Variants in EFCAB13 observed in about 807,000 individuals in gnomAD.
EFCAB13 encodes the protein EF-hand calcium binding domain 13, also known as EF-hand calcium-binding domain-containing protein 13.
EFCAB13 carries 91 observed loss-of-function variants against 110.2 expected under a neutral mutation model. The ratio of observed to expected loss-of-function variants is 0.83; its 90% CI spans 0.70 to 0.98. EFCAB13 has a LOEUF of 0.98. Among genes scored for constraint, EFCAB13 ranks in the 50% least tolerant of loss-of-function variants. EFCAB13 has a pLI of 0.00. For synonymous variants in EFCAB13, 323 were observed against 369.9 expected, an observed-to-expected ratio of 0.87 and a Z score of 1.45; for missense variants, 968 against 1,119.4, an observed-to-expected ratio of 0.86 and a Z score of 1.93.
At chr17:47,411,507 T>C (rs752062184) in intron 21 of EFCAB13, among the ~76,000 whole-genome samples, 1 of 152,218 alleles carries the variant, frequency 6.6e-6, no homozygotes, top group Non-Finnish European at 1.5e-5. Context: ...TCACTTACTA[T>C]ATGATATATT....
chr17:47,411,422 T>A (rs2065834148), intron 21 of EFCAB13, among the ~76,000 whole-genome samples: 1 of 152,164 alleles, frequency 6.6e-6, no homozygotes, highest in East Asian at 1.9e-4. Context: ...CTTCCCAGAG[T>A]TCATCACTTT....
chr17:47,344,482 CA>C (rs765812757), intron 7 of EFCAB13, among the ~76,000 whole-genome samples, 190 bp downstream of exon 7: 56 of 152,234 alleles, frequency 3.7e-4, no homozygotes, highest in Non-Finnish European at 6.6e-4. Flanking sequence ...ATTGACCTAA[CA>C]TGCTTAGACT....
intron 14 of EFCAB13, among the ~76,000 whole-genome samples, chr17:47,383,007 C>T (rs1204524816): frequency 6.6e-6 from 1 of 152,052 alleles, no homozygotes; most frequent in Non-Finnish European, 1.5e-5. Context: ...CTGGTTTAGC[C>T]TTGGGAGGGT....
At position 47,385,224 on chromosome 17, in the gene EFCAB13, T is replaced by G. The variant is rs571092423; in HGVS notation, c.1582+5971T>G. Among the ~76,000 whole-genome samples the G allele has an allele frequency of 1.7e-4, 26 of 152,286 alleles. No homozygotes were observed. The South Asian group carries it at 4.6e-3, about 27-fold the overall frequency. On this transcript the variant is annotated intron_variant, in intron 14 of 24. Transcript: ENST00000331493. ...ATTGGGGAAGTTCTCCCAGATAATA[T>G]CCTGAAGTGTGTTTTCCAATTTGGT...
chr17:47,332,630 C>T (rs2065326130), intron 4 of EFCAB13, among the ~76,000 whole-genome samples: 1 of 151,806 alleles, frequency 6.6e-6, no homozygotes, highest in African/African-American at 2.4e-5. Context: ...ATGAGAACAA[C>T]ATTTTTAGAT....
At chr17:47,364,556 C>G (rs2065535255) in intron 10 of EFCAB13, among the ~76,000 whole-genome samples, 1 of 152,166 alleles carries the variant, frequency 6.6e-6, no homozygotes, top group African/African-American at 2.4e-5. Context: ...TCTGATCCAC[C>G]TGCCTTGGCC....
At position 47,325,921 on chromosome 17, in the gene EFCAB13, AAAATATATATATAT is replaced by A. The variant is rs1304724099; in HGVS notation, c.-247-303_-247-290del. ...GGGCAGATTTTATATATATATAAAC[AAAATATATATATAT>A]ATATATATATATATATATATATATA... is the stretch of plus-strand genomic sequence containing the variant. On this transcript the variant is annotated intron_variant, in intron 2 of 24. Transcript: ENST00000331493. 3.5e-3 allele frequency among the ~76,000 whole-genome samples: 216 copies of A among 62,500 alleles called. 2 individuals carry two copies. The highest frequency in any genetic ancestry group is 0.016 in the African/African-American group (203 of 12,948). The allele number at this position is 62,500 out of a possible 152,430, so 41.0% of individuals were successfully genotyped here.
chr17:47,398,798 C>A (rs1272579289), intron 17 of EFCAB13, among the ~76,000 whole-genome samples: 1 of 151,608 alleles, frequency 6.6e-6, no homozygotes, highest in Non-Finnish European at 1.5e-5. Flanking sequence ...CACTATTGTC[C>A]TATGACCGTG....
chr17:47,367,062 A>T (rs1323882270), intron 10 of EFCAB13, among the ~76,000 whole-genome samples: 1 of 152,236 alleles, frequency 6.6e-6, no homozygotes, highest in Non-Finnish European at 1.5e-5. Context: ...AACATGGGAC[A>T]TGGAATCAAT....
intron 24 of EFCAB13, chr17:47,430,773 T>TA (rs1905100090): frequency 6.6e-6 from 1 of 152,126 alleles, no homozygotes; most frequent in African/African-American, 2.4e-5. Context: ...TTCTTTTTTT[T>TA]ACTCTCGATT....
intron 11 of EFCAB13, among the ~76,000 whole-genome samples, chr17:47,371,775 G>C (rs992126618): frequency 3.3e-5 from 5 of 151,938 alleles, no homozygotes; most frequent in African/African-American, 4.8e-5. Flanking sequence ...GACCATGCCC[G>C]GCTAATATTT....
intron 17 of EFCAB13, among the ~76,000 whole-genome samples, chr17:47,400,700 C>G (rs1053970218): frequency 1.3e-5 from 2 of 151,504 alleles, no homozygotes; most frequent in South Asian, 4.2e-4. Context: ...CTTCCCTTCC[C>G]TTCCCTTCCT....
chr17:47,437,042 T>C (rs1905228405), intron 24 of EFCAB13, among the ~76,000 whole-genome samples: 1 of 152,212 alleles, frequency 6.6e-6, no homozygotes, highest in Non-Finnish European at 1.5e-5. Context: ...GAGCAGGTTA[T>C]TCAAATTTTC....
At chr17:47,332,737 T>C (rs767128912) in intron 4 of EFCAB13, among the ~76,000 whole-genome samples, 24 of 152,202 alleles carry the variant, frequency 1.6e-4, no homozygotes, top group Non-Finnish European at 3.1e-4. Flanking sequence ...TTATCGTGAA[T>C]GACAGTTTCC....
intron 14 of EFCAB13, among the ~76,000 whole-genome samples, chr17:47,386,451 A>G (rs1352763561): frequency 2.6e-5 from 4 of 152,038 alleles, no homozygotes; most frequent in Admixed American, 2.6e-4. Context: ...GTCAGGGGAA[A>G]ACAAGCCTCA....
At chr17:47,425,653 G>GT (rs1169271637) in intron 23 of EFCAB13, among the ~76,000 whole-genome samples, 2 of 152,174 alleles carry the variant, frequency 1.3e-5, no homozygotes, top group Non-Finnish European at 2.9e-5. Context: ...AAGATAAGGA[G>GT]TAGGTACCTT....
chr17:47,324,592 G>A (rs1273220642), intron 2 of EFCAB13, 69 bp downstream of exon 2: 1 of 152,170 alleles, frequency 6.6e-6, no homozygotes, highest in Admixed American at 6.5e-5. Flanking sequence ...GTTCATGAAT[G>A]GCAGTAGCTG....
chr17:47,392,807 G>GAT (rs2065715079), intron 15 of EFCAB13, among the ~76,000 whole-genome samples: 1 of 152,116 alleles, frequency 6.6e-6, no homozygotes, highest in Admixed American at 6.6e-5. Context: ...GATTTTTTAA[G>GAT]ATATGAAATA....
At chr17:47,420,697 G>A (rs1287030413) in intron 23 of EFCAB13, among the ~76,000 whole-genome samples, 1 of 151,476 alleles carries the variant, frequency 6.6e-6, no homozygotes, top group Admixed American at 6.6e-5. Flanking sequence ...GAAGTGAGGA[G>A]ACCCTCCGCC....
Sources: gnomAD v4.1 joint callset for allele counts (sites outside exome capture counted in the v4.1 genomes callset) on GRCh38, gnomAD v4.1.1 for gene constraint, MANE v1.5 for transcripts, NCBI Gene and HGNC (gene_info 2026-07-23, HGNC 2026-07-21) for gene names.